Variants in KLHL29 observed in about 807,000 individuals in gnomAD.
KLHL29 encodes kelch like family member 29, also known as kelch-like protein 29.
KLHL29 carries 21 observed loss-of-function variants against 80.4 expected under a neutral mutation model. The ratio of observed to expected loss-of-function variants is 0.26; its 90% CI spans 0.19 to 0.38. The LOEUF is 0.38. KLHL29 is among the 10% of genes least tolerant of loss of function. The probability of loss-of-function intolerance (pLI) is 1.00; values close to 1 mark genes in which losing one functional copy is unlikely to be tolerated. For synonymous variants in KLHL29, 511 were observed against 526.8 expected, an observed-to-expected ratio of 0.97 and a Z score of 0.41; for missense variants, 867 against 1,223.9, an observed-to-expected ratio of 0.71 and a Z score of 4.35.
chr2:23,654,547 C>A (rs988065955), intron 5 of KLHL29, among the ~76,000 whole-genome samples: 1 of 152,142 alleles, frequency 6.6e-6, no homozygotes, highest in Non-Finnish European at 1.5e-5. Flanking sequence ...TGTGTGGCCT[C>A]CCCCTGGGTC....
intron 2 of KLHL29, among the ~76,000 whole-genome samples, chr2:23,549,934 G>A (rs1488842771): frequency 6.6e-6 from 1 of 152,190 alleles, no homozygotes; most frequent in East Asian, 1.9e-4. Context: ...TAGCTAAGAC[G>A]CAGTCTCCTT....
At chr2:23,389,990 T>C (rs1200288346) in intron 1 of KLHL29, among the ~76,000 whole-genome samples, 1 of 152,178 alleles carries the variant, frequency 6.6e-6, no homozygotes, top group African/African-American at 2.4e-5. Context: ...ATCCAAATTC[T>C]TTACCTGCAC....
In KLHL29 at chr2:23,431,689, C is replaced by T. The variant is rs138851070; in HGVS notation, c.-153-43871C>T. On this transcript the variant is annotated intron_variant, in intron 1 of 13. Coordinates refer to ENST00000486442, the MANE Select transcript of KLHL29 (RefSeq NM_052920.2). ...GGGTGGATCATTGAGGTCAGGAGAT[C>T]GAGACCATCCTGGCTAACACGGTGA... Among the ~76,000 whole-genome samples the T allele has an allele frequency of 1.4e-4, 21 of 152,172 alleles. No individual in the cohort carries two copies. The South Asian group carries it at 1.9e-3, about 14-fold the overall frequency.
At chr2:23,508,251 A>T (rs1465964128) in intron 2 of KLHL29, among the ~76,000 whole-genome samples, 1 of 152,182 alleles carries the variant, frequency 6.6e-6, no homozygotes, top group Non-Finnish European at 1.5e-5. Context: ...GTAGGTCAGG[A>T]CTTCAGACAG....
At chr2:23,521,003 C>CG (rs920705598) in intron 2 of KLHL29, among the ~76,000 whole-genome samples, 2 of 151,274 alleles carry the variant, frequency 1.3e-5, no homozygotes, top group African/African-American at 4.9e-5. Context: ...CCCCCCCCCC[C>CG]GCTCCCCCTC....
At chr2:23,698,106 C>T (rs1431718008) in intron 11 of KLHL29, among the ~76,000 whole-genome samples, 3 of 152,214 alleles carry the variant, frequency 2.0e-5, no homozygotes, top group Non-Finnish European at 2.9e-5. Context: ...AGCAGTTCTC[C>T]AAGACCAGGG....
chr2:23,659,964 C>T (rs1572474048), intron 5 of KLHL29, among the ~76,000 whole-genome samples: 1 of 152,104 alleles, frequency 6.6e-6, no homozygotes, highest in Non-Finnish European at 1.5e-5. Context: ...CACTAAGCCC[C>T]TCACCTGTTG....
intron 3 of KLHL29, among the ~76,000 whole-genome samples, chr2:23,584,356 C>T (rs1286689857): frequency 6.6e-6 from 1 of 152,212 alleles, no homozygotes; most frequent in Non-Finnish European, 1.5e-5. Flanking sequence ...GTACCCTGCT[C>T]CTGGAAACAG....
At position 23,562,538 on chromosome 2, in the gene KLHL29, C is replaced by A; in HGVS notation, c.285+57C>A. ...CGGACAGAGGGGCCCTGCCTCCCTG[C>A]AGGCTCAGGCCAGCCCCACAGGCTC... On this transcript the variant is annotated intron_variant, in intron 3 of 13. Coordinates refer to ENST00000486442, the MANE Select transcript of KLHL29 (RefSeq NM_052920.2). The surrounding 1 kb of genome is among the most constrained non-coding windows in gnomAD (Gnocchi z 4.5). The A allele has an allele frequency of 6.6e-7, 1 of 1,509,704 alleles. No individual in the cohort carries two copies. The highest frequency in any genetic ancestry group is 2.5e-5 in the East Asian group (1 of 40,680). 93.5% of individuals were successfully genotyped at this position (1,509,704 alleles called of 1,614,324 possible).
intron 2 of KLHL29, among the ~76,000 whole-genome samples, chr2:23,523,351 A>G (rs1666167897): frequency 6.6e-6 from 1 of 152,236 alleles, no homozygotes; most frequent in African/African-American, 2.4e-5. Context: ...CATAAATACT[A>G]AACGGTGGTT....
chr2:23,404,389 G>A (rs772350766), intron 1 of KLHL29, among the ~76,000 whole-genome samples: 2 of 150,746 alleles, frequency 1.3e-5, no homozygotes, highest in South Asian at 2.1e-4. Context: ...TAGACACGCC[G>A]AAGTGAATTG....
chr2:23,498,388 C>CGTGTG (rs1665332381), intron 2 of KLHL29, among the ~76,000 whole-genome samples: 2 of 152,232 alleles, frequency 1.3e-5, no homozygotes, highest in Admixed American at 1.3e-4. Context: ...GTGAGGTGCC[C>CGTGTG]TGACATCCAG....
chr2:23,597,399 ATATATATATTTTTT>A (rs1668447993), intron 3 of KLHL29, among the ~76,000 whole-genome samples: 10 of 79,726 alleles, frequency 1.3e-4, no homozygotes, highest in Non-Finnish European at 2.1e-4. Flanking sequence ...ATATATATAT[ATATATATATTTTTT>A]TTTTTTTTTT....
At chr2:23,412,794 G>C in intron 1 of KLHL29, among the ~76,000 whole-genome samples, 1 of 152,190 alleles carries the variant, frequency 6.6e-6, no homozygotes. Flanking sequence ...AGGACCACTT[G>C]TCTCCTCCGC....
chr2:23,520,875 T>C (rs1666073318), intron 2 of KLHL29, among the ~76,000 whole-genome samples: 1 of 152,196 alleles, frequency 6.6e-6, no homozygotes, highest in African/African-American at 2.4e-5. Context: ...TCTCCCCAAA[T>C]ATTATTGCTA....
chr2:23,672,947 C>T (rs569630129), intron 5 of KLHL29: 4 of 152,344 alleles, frequency 2.6e-5, no homozygotes, highest in African/African-American at 7.2e-5. Flanking sequence ...AGGGTCAGGC[C>T]ACTCGCGGCT....
At chr2:23,441,520 A>G (rs1055218750) in intron 1 of KLHL29, among the ~76,000 whole-genome samples, 5 of 151,366 alleles carry the variant, frequency 3.3e-5, no homozygotes, top group African/African-American at 1.2e-4. Context: ...AAATCAGAGA[A>G]AAAAAAAACT....
At chr2:23,430,866 TTG>T (rs1450805700) in intron 1 of KLHL29, among the ~76,000 whole-genome samples, 1 of 152,188 alleles carries the variant, frequency 6.6e-6, no homozygotes, top group East Asian at 1.9e-4. Context: ...GCAAAAAGAA[TTG>T]TCTCAGGTCA....
At chr2:23,470,104 T>A (rs1046253509) in intron 1 of KLHL29, among the ~76,000 whole-genome samples, 2 of 152,164 alleles carry the variant, frequency 1.3e-5, no homozygotes, top group African/African-American at 4.8e-5. Context: ...AGTCATGTCA[T>A]GGCATAACTT....
Sources: allele counts gnomAD v4.1 joint callset (sites outside exome capture counted in the v4.1 genomes callset), GRCh38; gene constraint gnomAD v4.1.1; non-coding constraint Gnocchi (gnomAD v3.1); transcripts MANE v1.5; gene names NCBI Gene and HGNC (gene_info 2026-07-23, HGNC 2026-07-21).